IL22RA1: variants seen among roughly 807,000 people sequenced by gnomAD.
IL22RA1 encodes interleukin-22 receptor subunit alpha-1.
Under a neutral mutation model 32.8 loss-of-function variants are expected in IL22RA1, and 25 were observed. The observed-to-expected ratio is 0.76, with a 90% CI of 0.55 to 1.06. The LOEUF (loss-of-function observed/expected upper bound fraction) is 1.06, where lower values mean the gene tolerates loss of function less well. Among genes scored for constraint, IL22RA1 ranks in the 50% least tolerant of loss-of-function variants. IL22RA1 has a pLI of 0.00. For synonymous variants in IL22RA1, 305 were observed against 305.0 expected (o/e 1.00, Z 0.00); for missense variants, 709 against 727.4 (o/e 0.97, Z 0.29).
intron 5 of IL22RA1, among the ~76,000 whole-genome samples, chr1:24,124,820 AC>A (rs1644150245): frequency 6.6e-6 from 1 of 151,338 alleles, no homozygotes; most frequent in Non-Finnish European, 1.5e-5. Context: ...CCCCATCCCT[AC>A]TCCAGGAAAA....
chr1:24,137,209 A>T lies in IL22RA1; in HGVS notation c.277T>A (p.Tyr93Asn), dbSNP rs1437424126. ...GCACTGACAGCGGTGACCCTGGCAT[A>T]GTAGAGCTCCGTGAGGTTGCCCGTC... ...VETGNLTELY[Y>N]ARVTAVSAGG... Residue 93 changes from tyrosine to asparagine, a missense_variant, in exon 3 of 7, where the codon TAT becomes AAT. Coordinates refer to ENST00000270800, the MANE Select transcript of IL22RA1 (RefSeq NM_021258.4). 2.5e-6 allele frequency: 4 copies of T among 1,614,150 alleles called. No individual in the cohort carries two copies. The highest frequency in any genetic ancestry group is 3.4e-6 in the Non-Finnish European group (4 of 1,180,030).
intron 5 of IL22RA1, among the ~76,000 whole-genome samples, chr1:24,125,844 T>C (rs1294052797): frequency 6.6e-6 from 1 of 152,230 alleles, no homozygotes; most frequent in Non-Finnish European, 1.5e-5. Context: ...CTTGGCAATA[T>C]AGTAGAACCT....
chr1:24,126,679 G>T (rs1028522354), intron 5 of IL22RA1, among the ~76,000 whole-genome samples: 12 of 152,286 alleles, frequency 7.9e-5, no homozygotes, highest in African/African-American at 2.6e-4. Flanking sequence ...TGAACATGAG[G>T]ATAAAGTGGA....
At chr1:24,131,538 C>CAGA (rs1256693720) in intron 4 of IL22RA1, among the ~76,000 whole-genome samples, 2 of 152,082 alleles carry the variant, frequency 1.3e-5, no homozygotes, top group Non-Finnish European at 2.9e-5. Flanking sequence ...ATTCCTATGA[C>CAGA]AGAAGGTTCA....
chr1:24,127,886 C>A (rs571538742), intron 5 of IL22RA1, among the ~76,000 whole-genome samples: 1 of 152,122 alleles, frequency 6.6e-6, no homozygotes, highest in South Asian at 2.1e-4. Context: ...GTTTGCTTTG[C>A]CAAGGTACAC....
intron 4 of IL22RA1, among the ~76,000 whole-genome samples, chr1:24,131,192 T>C (rs1226936472): frequency 1.3e-5 from 2 of 152,154 alleles, no homozygotes; most frequent in Non-Finnish European, 1.5e-5. Context: ...TCAAAAACAT[T>C]TTGGAAATGA....
Position 24,121,434 on chromosome 1 carries a change from G to T in IL22RA1, c.1096C>A (p.Pro366Thr). The T allele has an allele frequency of 1.3e-6, 2 of 1,549,642 alleles. No individual in the cohort carries two copies. The highest frequency in any genetic ancestry group is 1.7e-4 in the Middle Eastern group (1 of 5,736). Reference protein sequence around the residue: ...APEVGPPSYAPQVTPEAQFPF... With the variant: ...APEVGPPSYATQVTPEAQFPF... ...AATTGAGCTTCGGGGGTCACCTGAGGTGCATAGGATGGGGGCCCGACCTCA... is the reference window on the plus strand; with the variant it reads ...AATTGAGCTTCGGGGGTCACCTGAGTTGCATAGGATGGGGGCCCGACCTCA... The change falls in exon 7 of 7, where the codon CCT (proline) becomes ACT (threonine). Residue 366 changes from proline (P) to threonine (T), a missense_variant. Coordinates refer to ENST00000270800, the MANE Select transcript of IL22RA1 (RefSeq NM_021258.4).
chr1:24,127,896 C>T (rs1644176281), intron 5 of IL22RA1, among the ~76,000 whole-genome samples: 1 of 152,152 alleles, frequency 6.6e-6, no homozygotes, highest in African/African-American at 2.4e-5. Context: ...CCAAGGTACA[C>T]ATAAGGCCTG....
intron 6 of IL22RA1, among the ~76,000 whole-genome samples, chr1:24,122,809 A>T (rs187684251): frequency 1.3e-5 from 2 of 152,256 alleles, no homozygotes; most frequent in Middle Eastern, 3.4e-3. Context: ...AAAAAAAAAA[A>T]ATCTGTTTAA....
chr1:24,132,940 T>A (rs1233668291), intron 4 of IL22RA1, among the ~76,000 whole-genome samples: 2 of 151,792 alleles, frequency 1.3e-5, no homozygotes, highest in African/African-American at 4.8e-5. Context: ...AGAGCTGGAT[T>A]TGAATCCTGT....
chr1:24,137,458 A>G (rs1644250273), intron 2 of IL22RA1, 149 bp from the exon 3 acceptor site: 1 of 623,938 alleles, frequency 1.6e-6, no homozygotes, highest in Non-Finnish European at 2.7e-6. Flanking sequence ...TTTTGTTCTC[A>G]CAATGATTCT....
intron 5 of IL22RA1, among the ~76,000 whole-genome samples, chr1:24,123,923 A>T (rs181501910): frequency 1.3e-5 from 2 of 152,332 alleles, no homozygotes; most frequent in East Asian, 3.9e-4. Context: ...CTTTGGGCCA[A>T]GGGTCTGCAC....
chr1:24,138,493 C>T, intron 2 of IL22RA1, 89 bp downstream of exon 2: 3 of 1,437,166 alleles, frequency 2.1e-6, no homozygotes, highest in South Asian at 1.2e-5. Context: ...CTGGTGGGGA[C>T]ATGGGAACAT....
At chr1:24,129,310 G>C (rs888879290) in intron 4 of IL22RA1, among the ~76,000 whole-genome samples, 1 of 152,212 alleles carries the variant, frequency 6.6e-6, no homozygotes, top group African/African-American at 2.4e-5. Flanking sequence ...GAGCACCGAT[G>C]TGTGGATAAC....
At chr1:24,141,054 C>T (rs1052221848) in intron 1 of IL22RA1, among the ~76,000 whole-genome samples, 5 of 152,226 alleles carry the variant, frequency 3.3e-5, no homozygotes, top group African/African-American at 1.2e-4. Flanking sequence ...TGGCCAACCT[C>T]GAAGGCTGCC....
intron 2 of IL22RA1, among the ~76,000 whole-genome samples, chr1:24,137,759 C>T (rs182448757): frequency 3.3e-5 from 5 of 152,298 alleles, no homozygotes; most frequent in Non-Finnish European, 5.9e-5. Context: ...TCAAGTGATC[C>T]ACCTGCCTCA....
At chr1:24,126,380 C>T (rs1003920131) in intron 5 of IL22RA1, among the ~76,000 whole-genome samples, 1 of 152,150 alleles carries the variant, frequency 6.6e-6, no homozygotes, top group Non-Finnish European at 1.5e-5. Context: ...ACCTGAGGAC[C>T]AGAGTGTCAT....
chr1:24,138,532 G>A (rs1644258394), intron 2 of IL22RA1, 50 bp downstream of exon 2: 2 of 1,606,820 alleles, frequency 1.2e-6, no homozygotes, highest in African/African-American at 1.3e-5. Flanking sequence ...CCTTGGAGAG[G>A]GGCTGGCTTC....
chr1:24,135,941 A>G lies in IL22RA1; in HGVS notation c.355+1190T>C, dbSNP rs946781954. On this transcript the variant is annotated intron_variant, in intron 3 of 6. Coordinates refer to ENST00000270800, the MANE Select transcript of IL22RA1 (RefSeq NM_021258.4). ...ATCAGCAACTGCTGTCCACTCAACC[A>G]TTCATTTACTGAATATCTTTTTTAT... Among the ~76,000 whole-genome samples the G allele has an allele frequency of 1.6e-4, 24 of 152,166 alleles. 1 individual carries two copies. In the East Asian group the frequency reaches 2.9e-3, roughly 18 times the overall value.
Sources: gnomAD v4.1 joint callset for allele counts (sites outside exome capture counted in the v4.1 genomes callset) on GRCh38, gnomAD v4.1.1 for gene constraint, MANE v1.5 for transcripts, NCBI Gene and HGNC (gene_info 2026-07-23, HGNC 2026-07-21) for gene names.